Variants in KAT6B observed in about 807,000 individuals in gnomAD.
KAT6B encodes the protein lysine acetyltransferase 6B, also known as histone acetyltransferase KAT6B.
A neutral mutation model predicts 187.5 loss-of-function variants in KAT6B; 10 were observed. That is an observed-to-expected ratio of 0.05 (90% CI 0.03 to 0.09). KAT6B has a LOEUF of 0.09. Ranked by LOEUF, KAT6B falls within the 10% of genes least tolerant of loss-of-function variation. The pLI, the probability that KAT6B is intolerant of heterozygous loss-of-function variation, is 1.00. For missense variants in KAT6B, 1,952 were observed against 2,558.9 expected (o/e 0.76, Z 5.12); for synonymous variants, 861 against 926.8 (o/e 0.93, Z 1.29).
intron 3 of KAT6B, among the ~76,000 whole-genome samples, chr10:74,864,625 T>C (rs976519832): frequency 2.6e-5 from 4 of 152,154 alleles, no homozygotes; most frequent in Admixed American, 6.5e-5. Context: ...CACTGCAACT[T>C]CCGCCTCCTG....
chr10:74,896,756 G>A lies in KAT6B; in HGVS notation c.621+53278G>A, dbSNP rs145722548. Among the ~76,000 whole-genome samples, 193 of 152,244 alleles carry A rather than the reference G, an allele frequency of 1.3e-3. 1 individual carries two copies. Among genetic ancestry groups the A allele is most frequent in the African/African-American group, 4.5e-3 (186 of 41,548 alleles). ...TGTAGATTTTATGAACTTACATTGG[G>A]TTGCCTTTGTCTTCTGTTATAAAAG... On this transcript the variant is annotated intron_variant, in intron 3 of 17. Coordinates refer to ENST00000287239, the MANE Select transcript of KAT6B (RefSeq NM_012330.4).
At chr10:75,002,328 A>C (rs1416529604) in intron 13 of KAT6B, among the ~76,000 whole-genome samples, 4 of 151,502 alleles carry the variant, frequency 2.6e-5, no homozygotes, top group Admixed American at 2.6e-4. Flanking sequence ...TCTCTTAGGG[A>C]CTTGTGTTAT....
At chr10:74,945,977 C>T (rs1225400782) in intron 3 of KAT6B, among the ~76,000 whole-genome samples, 1 of 152,104 alleles carries the variant, frequency 6.6e-6, no homozygotes, top group African/African-American at 2.4e-5. Flanking sequence ...GAAATATTTC[C>T]TCCTCCTCTA....
At chr10:74,888,205 T>A (rs1224827848) in intron 3 of KAT6B, among the ~76,000 whole-genome samples, 1 of 152,222 alleles carries the variant, frequency 6.6e-6, no homozygotes, top group African/African-American at 2.4e-5. Context: ...AAGAAAGTAT[T>A]ACGTACATGT....
chr10:74,946,630 A>G (rs1839969015), intron 3 of KAT6B, among the ~76,000 whole-genome samples: 1 of 152,220 alleles, frequency 6.6e-6, no homozygotes, highest in Non-Finnish European at 1.5e-5. Context: ...GCCCTACATA[A>G]AAAAATCATA....
intron 3 of KAT6B, among the ~76,000 whole-genome samples, chr10:74,897,821 G>A (rs1219004805): frequency 6.6e-6 from 1 of 152,136 alleles, no homozygotes; most frequent in Admixed American, 6.5e-5. Context: ...ATGAACACTA[G>A]GAATCTATAA....
chr10:74,923,866 T>G (rs981571476), intron 3 of KAT6B, among the ~76,000 whole-genome samples: 6 of 152,144 alleles, frequency 3.9e-5, no homozygotes, highest in Non-Finnish European at 5.9e-5. Flanking sequence ...CCTGCTGCTG[T>G]GTTGAGAATA....
intron 3 of KAT6B, among the ~76,000 whole-genome samples, chr10:74,853,698 G>A (rs1842639124): frequency 6.7e-6 from 1 of 150,242 alleles, no homozygotes; most frequent in Non-Finnish European, 1.5e-5. Context: ...CATGGTCTCG[G>A]CTCACTGCAA....
chr10:75,026,426 A>G (rs2134210695), intron 17 of KAT6B, among the ~76,000 whole-genome samples: 1 of 152,238 alleles, frequency 6.6e-6, no homozygotes, highest in East Asian at 1.9e-4. Flanking sequence ...TTCAGAACTT[A>G]CTTTAATCTG....
chr10:74,969,494 G>A (rs1366200912), intron 4 of KAT6B, among the ~76,000 whole-genome samples, 166 bp from the exon 5 acceptor site: 1 of 152,184 alleles, frequency 6.6e-6, no homozygotes, highest in Non-Finnish European at 1.5e-5. Flanking sequence ...AGGGGAAAAG[G>A]CAGAAAGGAA....
At chr10:74,842,004 A>G (rs1841776306) in intron 2 of KAT6B, among the ~76,000 whole-genome samples, 1 of 152,240 alleles carries the variant, frequency 6.6e-6, no homozygotes. Flanking sequence ...TCTACTACTT[A>G]AAGGTGAAGG....
chr10:74,974,488 T>C (rs1842035626), intron 7 of KAT6B, among the ~76,000 whole-genome samples: 1 of 152,222 alleles, frequency 6.6e-6, no homozygotes, highest in African/African-American at 2.4e-5. Context: ...TTCTCTATTG[T>C]ATAAAACTCT....
intron 3 of KAT6B, among the ~76,000 whole-genome samples, chr10:74,858,099 C>G (rs12254441): frequency 1.3e-5 from 2 of 151,584 alleles, no homozygotes; most frequent in South Asian, 2.1e-4. Flanking sequence ...AGCTGAAGGC[C>G]GGGGGTCAAG....
At position 75,022,147 on chromosome 10, in the gene KAT6B, G is replaced by GGAAGAA. The variant is rs71929101; in HGVS notation, c.3307_3312dup (p.Glu1103_Glu1104dup). 60 of 1,605,900 alleles carry GGAAGAA rather than the reference G, an allele frequency of 3.7e-5. No homozygotes were observed. The highest frequency in any genetic ancestry group is 4.8e-5 in the Non-Finnish European group (57 of 1,175,282). ...AAGAGGATGAAGAGGAGGAAGAAGA[G>GGAAGAA]GAAGAAGAAGAAGAAGAAGAAGAAA... is the stretch of plus-strand genomic sequence containing the variant. On this transcript the variant is annotated inframe_insertion, in exon 16 of 18. Transcript: ENST00000287239.
chr10:74,930,551 A>G (rs1848801099), intron 3 of KAT6B, among the ~76,000 whole-genome samples: 1 of 152,244 alleles, frequency 6.6e-6, no homozygotes, highest in Non-Finnish European at 1.5e-5. Flanking sequence ...TGTAATAATG[A>G]AAGAAAATGA....
intron 13 of KAT6B, among the ~76,000 whole-genome samples, chr10:74,989,808 G>T (rs1843016017): frequency 6.6e-6 from 1 of 151,824 alleles, no homozygotes; most frequent in African/African-American, 2.4e-5. Flanking sequence ...ATGTGTAAAT[G>T]TTGTGTTAGG....
chr10:74,825,274 G>A (rs901382436), upstream of KAT6B, among the ~76,000 whole-genome samples: 1 of 151,972 alleles, frequency 6.6e-6, no homozygotes, highest in African/African-American at 2.4e-5. The surrounding 1 kb of genome is among the most constrained non-coding windows in gnomAD (Gnocchi z 5.0). Context: ...CGCCCCAAAC[G>A]GCCCAGGCGT....
At chr10:74,917,357 T>C (rs1304868630) in intron 3 of KAT6B, among the ~76,000 whole-genome samples, 1 of 152,186 alleles carries the variant, frequency 6.6e-6, no homozygotes, top group Non-Finnish European at 1.5e-5. Context: ...CCTTTTTGAC[T>C]TTCACCGGTT....
At chr10:74,873,444 A>C (rs1240573703) in intron 3 of KAT6B, among the ~76,000 whole-genome samples, 3 of 145,842 alleles carry the variant, frequency 2.1e-5, no homozygotes, top group Non-Finnish European at 1.5e-5. Context: ...TAGTCTGAGC[A>C]GCAGCAAAAT....
Sources: allele counts gnomAD v4.1 joint callset (sites outside exome capture counted in the v4.1 genomes callset), GRCh38; gene constraint gnomAD v4.1.1; non-coding constraint Gnocchi (gnomAD v3.1); transcripts MANE v1.5; gene names NCBI Gene and HGNC (gene_info 2026-07-23, HGNC 2026-07-21).